The following TRIM6 variants were observed in gnomAD, a reference collection of about 807,000 sequenced individuals.
TRIM6 encodes tripartite motif-containing protein 6.
A neutral mutation model predicts 51.2 loss-of-function variants in TRIM6; 43 were observed. The observed-to-expected ratio is 0.84, with a 90% CI of 0.66 to 1.08. TRIM6 has a LOEUF of 1.08. Among genes scored for constraint, TRIM6 ranks in the 50% least tolerant of loss-of-function variants. The pLI, the probability that TRIM6 is intolerant of heterozygous loss-of-function variation, is 0.00. For synonymous variants in TRIM6, 215 were observed against 232.4 expected (o/e 0.93, Z 0.68); for missense variants, 669 against 619.0 (o/e 1.08, Z -0.86).
chr11:5,611,276 T>A lies in TRIM6; in HGVS notation c.1485T>A (p.Thr495=), dbSNP rs754872062. The change falls in exon 8 of 8, where the codon ACT becomes ACA. Residue 495 remains threonine, a synonymous_variant. Coordinates refer to ENST00000380097, the MANE Select transcript of TRIM6 (RefSeq NM_001003818.3). Reference sequence around the variant, plus strand: ...TCTCTAAATATTACTTTCCCACTACTCTTTGTCCATATTTTAATCCTTGCA... The same window carrying A: ...TCTCTAAATATTACTTTCCCACTACACTTTGTCCATATTTTAATCCTTGCA... ...YTFSKYYFPT[T]LCPYFNPCNC... is the part of the protein sequence containing the mutation. 73 of 1,613,996 alleles carry A rather than the reference T, an allele frequency of 4.5e-5. 1 individual carries two copies. Among genetic ancestry groups the A allele is most frequent in the Non-Finnish European group, 5.4e-5 (64 of 1,179,984 alleles).
chr11:5,604,315 G>T (rs1341926088), intron 2 of TRIM6, among the ~76,000 whole-genome samples: 1 of 152,154 alleles, frequency 6.6e-6, no homozygotes, highest in African/African-American at 2.4e-5. Flanking sequence ...GTGCTTTGTG[G>T]TCAGGCACCT....
At chr11:5,599,200 T>C (rs1378512675) in intron 1 of TRIM6, among the ~76,000 whole-genome samples, 1 of 152,202 alleles carries the variant, frequency 6.6e-6, no homozygotes. Context: ...CAGTTAGTGA[T>C]GTCATGGATT....
intron 4 of TRIM6, among the ~76,000 whole-genome samples, chr11:5,606,265 G>A (rs1848201429): frequency 6.6e-6 from 1 of 152,190 alleles, no homozygotes; most frequent in Non-Finnish European, 1.5e-5. Context: ...GGTTTTGGGG[G>A]TCTGGGCTCT....
Position 5,610,833 on chromosome 11 carries a change from C to A in TRIM6, c.1042C>A (p.Arg348=). ...TTTAAATCTTGTCCTGGCTAAAAAC[C>A]GGAGACAAGTGAGGTTTGTGGGAGC... The part of the protein sequence containing the change: ...ANLNLVLAKN[R]RQVRFVGAKV... Residue 348 remains arginine (R), a synonymous_variant, in exon 8 of 8, where the codon CGG becomes AGG. Coordinates refer to ENST00000380097, the MANE Select transcript of TRIM6 (RefSeq NM_001003818.3). 1.2e-6 allele frequency: 2 copies of A among 1,614,132 alleles called. No homozygotes were observed. Among genetic ancestry groups the A allele is most frequent in the Non-Finnish European group, 1.7e-6 (2 of 1,180,030 alleles).
At chr11:5,601,756 TCAA>T (rs906440273) in intron 1 of TRIM6, among the ~76,000 whole-genome samples, 2 of 152,222 alleles carry the variant, frequency 1.3e-5, no homozygotes, top group Non-Finnish European at 2.9e-5. Context: ...AGACTCAGTT[TCAA>T]CAACAACAAA....
chr11:5,610,436 A>AAT, intron 6 of TRIM6, 99 bp from the exon 7 acceptor site: 2 of 1,604,784 alleles, frequency 1.2e-6, no homozygotes, highest in Non-Finnish European at 1.7e-6. Flanking sequence ...ACATCCTCAC[A>AAT]GGATTCCTCA....
At position 5,612,851 on chromosome 11, in the gene TRIM6, C is replaced by CAAA. The variant is rs551639395; in HGVS notation, c.*1513_*1515dup. 6.6e-6 allele frequency: 1 copy of CAAA among 152,138 alleles called. No homozygotes were observed. Among genetic ancestry groups the CAAA allele is most frequent in the African/African-American group, 2.4e-5 (1 of 41,428 alleles). The allele number at this position is 152,138 out of a possible 1,614,324, so 9.4% of individuals were successfully genotyped here. On this transcript the variant is annotated 3_prime_UTR_variant, in exon 8 of 8. Coordinates refer to ENST00000380097, the MANE Select transcript of TRIM6 (RefSeq NM_001003818.3). ...TATACCAGATTTCAAATACCTACTT[C>CAAA]AAAAAATAATGTAAAATATCTCACT...
At position 5,611,251 on chromosome 11, in the gene TRIM6, T is replaced by G; in HGVS notation, c.1460T>G (p.Phe487Cys). ...VTNHGFPIYT[F>C]SKYYFPTTLC... ...AACCATGGCTTCCCCATCTACACTT[T>G]CTCTAAATATTACTTTCCCACTACT... Residue 487 changes from phenylalanine to cysteine, a missense_variant, in exon 8 of 8, where the codon TTC (phenylalanine) becomes TGC (cysteine). Physicochemically the swap from Phe to Cys is radical, Grantham distance 205 (BLOSUM62 -2). Transcript: ENST00000380097. 2.5e-6 allele frequency: 4 copies of G among 1,614,044 alleles called. No homozygotes were observed. The highest frequency in any genetic ancestry group is 3.4e-6 in the Non-Finnish European group (4 of 1,179,946).
rs1431219776 is a variant in TRIM6 at position 5,612,674 on chromosome 11, A to G, written c.*1332A>G. On this transcript the variant is annotated 3_prime_UTR_variant, in exon 8 of 8. Transcript: ENST00000380097. ...CAATATGTTTTTTGAACCAGCTATA[A>G]AAGAAATTAAGAGGTACATGTGAGG... is the stretch of plus-strand genomic sequence containing the variant. 1.3e-5 allele frequency: 2 copies of G among 152,196 alleles called. No homozygotes were observed. The highest frequency in any genetic ancestry group is 4.8e-5 in the African/African-American group (2 of 41,448). The allele number at this position is 152,196 out of a possible 1,614,324, so 9.4% of individuals were successfully genotyped here.
At chr11:5,608,473 G>A (rs569632965) in intron 5 of TRIM6, 79 bp downstream of exon 5, 2 of 1,594,084 alleles carry the variant, frequency 1.3e-6, no homozygotes, top group East Asian at 4.5e-5. Flanking sequence ...GGAAAGGGAA[G>A]AAGAATCAGA....
rs1485649334 is a variant in TRIM6, at chr11:5,603,455, T to C, written c.227T>C (p.Ile76Thr). The change falls in exon 2 of 8, where the codon ATT becomes ACT. Residue 76 changes from isoleucine to threonine, a missense_variant. Transcript: ENST00000380097. The part of the protein sequence containing the change: ...CITPNGRESV[I>T]GQEGERSCPV... ...ACACCAAATGGCAGGGAATCAGTGATTGGTCAAGAAGGGGAAAGAAGCTGC... is the reference window on the plus strand; with the variant it reads ...ACACCAAATGGCAGGGAATCAGTGACTGGTCAAGAAGGGGAAAGAAGCTGC... 1.2e-6 allele frequency: 2 copies of C among 1,613,828 alleles called. No homozygotes were observed. Among genetic ancestry groups the C allele is most frequent in the Admixed American group, 1.7e-5 (1 of 59,972 alleles).
At chr11:5,597,562 G>A (rs1847547454) in intron 1 of TRIM6, among the ~76,000 whole-genome samples, 1 of 152,032 alleles carries the variant, frequency 6.6e-6, no homozygotes, top group African/African-American at 2.4e-5. Flanking sequence ...TATTCCTAAA[G>A]TGCAAGAACT....
At chr11:5,598,075 T>C (rs1847584618) in intron 1 of TRIM6, among the ~76,000 whole-genome samples, 1 of 152,196 alleles carries the variant, frequency 6.6e-6, no homozygotes, top group Admixed American at 6.5e-5. Flanking sequence ...TTTGGGCTCT[T>C]TCTTCTGCTA....
intron 4 of TRIM6, among the ~76,000 whole-genome samples, chr11:5,607,846 C>A (rs903784900): frequency 1.3e-5 from 2 of 152,206 alleles, no homozygotes; most frequent in Non-Finnish European, 2.9e-5. Flanking sequence ...TAATCAAAAT[C>A]ATAAGGAAAG....
Position 5,603,552 on chromosome 11 carries a change from G to A in TRIM6, c.324G>A (p.Arg108=), listed in dbSNP as rs529523849. The part of the protein sequence containing the change: ...PNRHLANIVR[R]LREVVLGPGK... ...GGCATCTGGCCAACATAGTGAGGCGGCTCAGAGAGGTAGTGTTGGGCCCTG... is the reference window on the plus strand; with the variant it reads ...GGCATCTGGCCAACATAGTGAGGCGACTCAGAGAGGTAGTGTTGGGCCCTG... Residue 108 remains arginine (R), a synonymous_variant, in exon 2 of 8, where the codon CGG becomes CGA. Coordinates refer to ENST00000380097, the MANE Select transcript of TRIM6 (RefSeq NM_001003818.3). 27 of 1,613,988 alleles carry A rather than the reference G, an allele frequency of 1.7e-5. No homozygotes were observed. The South Asian group carries it at 2.9e-4, about 17-fold the overall frequency.
intron 1 of TRIM6, among the ~76,000 whole-genome samples, chr11:5,601,555 C>T (rs943300561): frequency 3.9e-5 from 6 of 152,024 alleles, no homozygotes; most frequent in Non-Finnish European, 5.9e-5. Flanking sequence ...GTCAGGAGTT[C>T]GAGATCAGCC....
At position 5,608,228 on chromosome 11, in the gene TRIM6, C is replaced by G. The variant is rs186769331; in HGVS notation, c.835-144C>G. On this transcript the variant is annotated intron_variant, in intron 4 of 7. Transcript: ENST00000380097. Reference sequence around the variant, plus strand: ...CATGGGTTCTTAGGGACAGTCTGCCCTGAGTTTTTTCTCTACTTTGTGGCC... The same window carrying G: ...CATGGGTTCTTAGGGACAGTCTGCCGTGAGTTTTTTCTCTACTTTGTGGCC... 2.1e-5 allele frequency: 26 copies of G among 1,237,010 alleles called. No individual in the cohort carries two copies. In the African/African-American group the frequency reaches 3.8e-4, roughly 18 times the overall value. 76.6% of individuals were successfully genotyped at this position (1,237,010 alleles called of 1,614,324 possible). A position where few individuals can be genotyped will look rare whatever the true frequency, so the allele number is the denominator to read the frequency against.
intron 1 of TRIM6, among the ~76,000 whole-genome samples, chr11:5,602,023 C>T (rs147450872): frequency 8.3e-4 from 126 of 152,152 alleles, no homozygotes; most frequent in African/African-American, 2.9e-3. Context: ...AAGTTGAGGA[C>T]CTATATGTCA....
intron 1 of TRIM6, among the ~76,000 whole-genome samples, chr11:5,602,312 A>G (rs1394010663): frequency 6.6e-6 from 1 of 152,028 alleles, no homozygotes; most frequent in Non-Finnish European, 1.5e-5. Context: ...ACATAGTGGC[A>G]GGCACCTGTA....
Sources: gnomAD v4.1 joint callset for allele counts (sites outside exome capture counted in the v4.1 genomes callset) on GRCh38, gnomAD v4.1.1 for gene constraint, MANE v1.5 for transcripts, NCBI Gene and HGNC (gene_info 2026-07-23, HGNC 2026-07-21) for gene names.